Variants in PARP16 observed in about 807,000 individuals in gnomAD.
PARP16 encodes the protein protein mono-ADP-ribosyltransferase PARP16.
In PARP16, 31 loss-of-function variants were observed where a neutral mutation model predicts 35.0. The observed-to-expected ratio is 0.88, with a 90% CI of 0.66 to 1.19. The LOEUF is 1.19. Among genes scored for constraint, PARP16 ranks in the 50% most tolerant of loss-of-function variants. The probability of loss-of-function intolerance (pLI) is 0.00; values close to 1 mark genes in which losing one functional copy is unlikely to be tolerated. For missense variants in PARP16, 424 were observed against 411.2 expected (o/e 1.03, Z -0.27); for synonymous variants, 162 against 169.5 (o/e 0.96, Z 0.34).
At chr15:65,263,405 G>A (rs1243327845) in intron 3 of PARP16, 85 bp from the exon 4 acceptor site, 11 of 1,173,080 alleles carry the variant, frequency 9.4e-6, no homozygotes, top group Non-Finnish European at 1.2e-5. Flanking sequence ...CTCTCTTCAA[G>A]AGTTGTAAAC....
At chr15:65,278,413 T>C (rs2090321405) in intron 1 of PARP16, among the ~76,000 whole-genome samples, 1 of 152,232 alleles carries the variant, frequency 6.6e-6, no homozygotes, top group Non-Finnish European at 1.5e-5. Flanking sequence ...CTGCAGCCTC[T>C]GCTGTGGGGA....
rs775857143 is a variant in PARP16, at chr15:65,266,603, G to A, written c.478C>T (p.His160Tyr). The change falls in exon 3 of 6, where the codon CAT becomes TAT. Residue 160 changes from histidine to tyrosine, a missense_variant. His to Tyr is a moderately conservative substitution (Grantham distance 83, BLOSUM62 2). Coordinates refer to ENST00000649807, the MANE Select transcript of PARP16 (RefSeq NM_001316943.2). ...AFHGSRLENF[H>Y]SIIHNGLHCH... ...TGCAGGCCATTGTGGATAATGGAATGGAAGTTTTCTAGGCGGCTACCATGA... is the reference window on the plus strand; with the variant it reads ...TGCAGGCCATTGTGGATAATGGAATAGAAGTTTTCTAGGCGGCTACCATGA... 279 of 1,614,026 alleles carry A rather than the reference G, an allele frequency of 1.7e-4. 3 individuals carry two copies. The South Asian group carries it at 3.0e-3, about 17-fold the overall frequency.
intron 2 of PARP16, among the ~76,000 whole-genome samples, chr15:65,267,957 C>A (rs2089962611): frequency 6.6e-6 from 1 of 151,964 alleles, no homozygotes; most frequent in Non-Finnish European, 1.5e-5. Flanking sequence ...GCCCAAAGTG[C>A]TGGGATTACA....
Position 65,247,411 on chromosome 15 carries a change from C to T in PARP16, c.*97+706G>A, listed in dbSNP as rs8028604. The stretch of plus-strand genomic sequence containing the variant: ...GCAGAGCTGGGATTCAAACTGAGTT[C>T]TGTCTGAACCCAGAGCTTCTAAAAT... On this transcript the variant is annotated intron_variant and NMD_transcript_variant, in intron 3 of 3. Transcript: ENST00000559805. Among the ~76,000 whole-genome samples the T allele has an allele frequency of 9.1e-3, 1,383 of 152,300 alleles. 20 individuals carry two copies. The highest frequency in any genetic ancestry group is 0.032 in the African/African-American group (1,326 of 41,556).
At position 65,286,830 on chromosome 15, in the gene PARP16, G is replaced by C. The variant is rs907514796; in HGVS notation, c.-404C>G. On this transcript the variant is annotated 5_prime_UTR_variant, in exon 1 of 6. Coordinates refer to ENST00000649807, the MANE Select transcript of PARP16 (RefSeq NM_001316943.2). ...CGGGAAGCAGCCCCCGGGGGACGGC[G>C]GGCAGAGCCCACTCTCCGCGACGGG... 4.0e-5 allele frequency: 7 copies of C among 175,886 alleles called. No homozygotes were observed. Among genetic ancestry groups the C allele is most frequent in the Non-Finnish European group, 8.3e-5 (7 of 84,044 alleles). The allele number at this position is 175,886 out of a possible 1,614,324, so 10.9% of individuals were successfully genotyped here. A position where few individuals can be genotyped will look rare whatever the true frequency, so the allele number is the denominator to read the frequency against.
At chr15:65,251,753 T>G (rs1002769003) in intron 2 of PARP16, among the ~76,000 whole-genome samples, 3 of 149,008 alleles carry the variant, frequency 2.0e-5, no homozygotes, top group Non-Finnish European at 4.5e-5. Flanking sequence ...CATGCCTAGG[T>G]TTTTTTTTTG....
At position 65,250,042 on chromosome 15, in the gene PARP16, A is replaced by G. The variant is rs530180340; in HGVS notation, c.203-1814T>C. ...CTGGTGTCGGCACTCTTGTCTTCCT[A>G]TGCCACCAGCCTAGGTCTTCTTTGC... On this transcript the variant is annotated intron_variant and NMD_transcript_variant, in intron 2 of 3. Coordinates refer to the PARP16 transcript ENST00000559805. 4.8e-5 allele frequency among the ~76,000 whole-genome samples: 7 copies of G among 146,588 alleles called. No individual in the cohort carries two copies. The South Asian group carries it at 1.5e-3, about 31-fold the overall frequency.
At chr15:65,259,731 T>C (rs542529314) in intron 5 of PARP16, among the ~76,000 whole-genome samples, 189 bp from the exon 6 acceptor site, 38 of 152,196 alleles carry the variant, frequency 2.5e-4, no homozygotes, top group African/African-American at 8.0e-4. Flanking sequence ...GACACGCCTT[T>C]CAACAGGATA....
At chr15:65,267,388 A>G (rs1409017724) in intron 2 of PARP16, among the ~76,000 whole-genome samples, 10 of 152,058 alleles carry the variant, frequency 6.6e-5, no homozygotes, top group South Asian at 2.1e-4. Flanking sequence ...CAGGCGGATC[A>G]TGAGGTCAGG....
chr15:65,269,637 G>A (rs968031378), intron 2 of PARP16, among the ~76,000 whole-genome samples: 4 of 152,198 alleles, frequency 2.6e-5, no homozygotes, highest in African/African-American at 9.7e-5. Flanking sequence ...TGGAAGAACT[G>A]TTCTTCATTC....
intron 3 of PARP16, among the ~76,000 whole-genome samples, chr15:65,245,796 C>T (rs2089195471): frequency 6.6e-6 from 1 of 152,146 alleles, no homozygotes; most frequent in Admixed American, 6.6e-5. Context: ...AGCTATTTGA[C>T]CAGACATTCC....
Position 65,259,200 on chromosome 15 carries a change from A to G in PARP16, c.*207T>C, listed in dbSNP as rs576674597. On this transcript the variant is annotated 3_prime_UTR_variant, in exon 6 of 6. Transcript: ENST00000649807. ...TGGAAGGACTCCCCTAAAACCTAAG[A>G]GTGAGGGACTAGTAGTCCCCGTTGA... The G allele has an allele frequency of 1.1e-5, 7 of 609,942 alleles. No homozygotes were observed. The highest frequency in any genetic ancestry group is 2.2e-5 in the South Asian group (1 of 46,242). 37.8% of individuals were successfully genotyped at this position (609,942 alleles called of 1,614,324 possible).
intron 3 of PARP16, among the ~76,000 whole-genome samples, chr15:65,236,308 T>G (rs190501119): frequency 1.1e-3 from 165 of 152,326 alleles, no homozygotes; most frequent in African/African-American, 3.8e-3. Context: ...ATTACAAATA[T>G]GTACACAATT....
chr15:65,281,969 A>C (rs2090434045), intron 1 of PARP16, among the ~76,000 whole-genome samples: 1 of 152,198 alleles, frequency 6.6e-6, no homozygotes, highest in Non-Finnish European at 1.5e-5. Flanking sequence ...TGAAAATGGT[A>C]AACTTTCACA....
intron 2 of PARP16, among the ~76,000 whole-genome samples, chr15:65,267,476 G>C (rs2089936459): frequency 6.6e-6 from 1 of 150,548 alleles, no homozygotes; most frequent in Non-Finnish European, 1.5e-5. Flanking sequence ...GCGTGGTGGT[G>C]GGCGCCTGTA....
At chr15:65,280,757 G>C (rs1440757147) in intron 1 of PARP16, among the ~76,000 whole-genome samples, 3 of 152,042 alleles carry the variant, frequency 2.0e-5, no homozygotes, top group African/African-American at 7.2e-5. Flanking sequence ...CCAGACACTG[G>C]GGAGTCATGG....
chr15:65,276,968 G>A (rs1340332676), intron 1 of PARP16, among the ~76,000 whole-genome samples: 2 of 148,574 alleles, frequency 1.3e-5, no homozygotes, highest in African/African-American at 5.0e-5. Context: ...GGCAACAAGA[G>A]TCAAACTTCA....
At chr15:65,270,842 G>T in intron 2 of PARP16, 93 bp downstream of exon 2, 1 of 1,253,296 alleles carries the variant, frequency 8.0e-7, no homozygotes, top group Non-Finnish European at 1.2e-6. Flanking sequence ...CCAGGTCACT[G>T]GTACACAGGG....
intron 2 of PARP16, among the ~76,000 whole-genome samples, chr15:65,249,574 C>T (rs1743822323): frequency 6.6e-6 from 1 of 152,218 alleles, no homozygotes; most frequent in Admixed American, 6.5e-5. Context: ...GGCTGCAGCC[C>T]CACCCAGCCA....
Sources: allele counts gnomAD v4.1 joint callset (sites outside exome capture counted in the v4.1 genomes callset), GRCh38; gene constraint gnomAD v4.1.1; transcripts MANE v1.5; gene names NCBI Gene and HGNC (gene_info 2026-07-23, HGNC 2026-07-21).